NEBL: variants seen among roughly 807,000 people sequenced by gnomAD.
NEBL encodes the protein nebulette, also known as LIM and SH3 protein 2.
NEBL carries 122 observed loss-of-function variants against 140.2 expected under a neutral mutation model. That is an observed-to-expected ratio of 0.87 (90% CI 0.75 to 1.01). The LOEUF is 1.01. NEBL is among the 50% of genes least tolerant of loss of function. The pLI is 0.00. For missense variants in NEBL, 1,365 were observed against 1,231.3 expected, an observed-to-expected ratio of 1.11 and a Z score of -1.62; for synonymous variants, 436 against 398.9, an observed-to-expected ratio of 1.09 and a Z score of -1.11.
rs1397729050 is a variant in NEBL, at chr10:20,903,440, T to C, written c.357+58232A>G. The stretch of plus-strand genomic sequence containing the variant: ...TGGGAATGTAAATGAGTAAAACCTC[T>C]ACGGGAGACAATATGAAGCTTTTTT... On this transcript the variant is annotated intron_variant, in intron 4 of 6. Transcript: ENST00000417816. Among the ~76,000 whole-genome samples, 3 of 152,200 alleles carry C rather than the reference T, an allele frequency of 2.0e-5. No individual in the cohort carries two copies. The East Asian group carries it at 5.8e-4, about 29-fold the overall frequency.
In NEBL at chr10:20,996,480, T is replaced by C. The variant is rs146489574; in HGVS notation, c.249+23637A>G. 3.2e-3 allele frequency among the ~76,000 whole-genome samples: 484 copies of C among 152,334 alleles called. 1 individual carries two copies. The highest frequency in any genetic ancestry group is 0.011 in the African/African-American group (450 of 41,574). On this transcript the variant is annotated intron_variant, in intron 3 of 6. Transcript: ENST00000417816. ...GATTGTCCTAGGTCTACTGGATCGA[T>C]GCCTTATCACCAACCTCACAATAAC... is the stretch of plus-strand genomic sequence containing the variant.
chr10:21,271,586 T>C (rs545385298), intron 1 of NEBL, among the ~76,000 whole-genome samples: 31 of 151,866 alleles, frequency 2.0e-4, no homozygotes, highest in African/African-American at 5.3e-4. Context: ...AATGCAATAT[T>C]ACGATCTCGG....
intron 2 of NEBL, among the ~76,000 whole-genome samples, chr10:21,058,103 C>G (rs1287867321): frequency 1.2e-4 from 18 of 152,202 alleles, no homozygotes; most frequent in Admixed American, 1.2e-3. Context: ...ATACTACTAA[C>G]AGCTACTATC....
chr10:21,166,365 C>A (rs1840778697), intron 2 of NEBL, among the ~76,000 whole-genome samples: 1 of 151,390 alleles, frequency 6.6e-6, no homozygotes, highest in African/African-American at 2.4e-5. Flanking sequence ...GATGTTTTCT[C>A]TTCTCATTCT....
chr10:20,817,587 A>G lies in NEBL; in HGVS notation c.2148+13T>C. ...TTGATAGTGTAAGAAAAAAGTTACT[A>G]AGATGATCACACATTGCTGATGTTT... On this transcript the variant is annotated intron_variant, in intron 21 of 27. Transcript: ENST00000377122. The G allele has an allele frequency of 6.3e-7, 1 of 1,596,354 alleles. No homozygotes were observed. Among genetic ancestry groups the G allele is most frequent in the Non-Finnish European group, 8.6e-7 (1 of 1,163,950 alleles).
In NEBL at chr10:20,782,264, A is replaced by G. The variant is rs1835084306; in HGVS notation, c.*3483T>C. ...CTTGCTTGGTTTTCTTTCCAAGAGC[A>G]TACTAGACAAACAAGAGTAATCAAA... On this transcript the variant is annotated 3_prime_UTR_variant, in exon 28 of 28. Transcript: ENST00000377122. 1.3e-5 allele frequency: 2 copies of G among 152,606 alleles called. No individual in the cohort carries two copies. The highest frequency in any genetic ancestry group is 1.3e-4 in the Admixed American group (2 of 15,268). The allele number at this position is 152,606 out of a possible 1,614,324, so 9.5% of individuals were successfully genotyped here.
At chr10:20,833,635 C>T (rs944700752) in intron 14 of NEBL, among the ~76,000 whole-genome samples, 2 of 151,874 alleles carry the variant, frequency 1.3e-5, no homozygotes, top group Admixed American at 6.6e-5. Flanking sequence ...ATTTAATTGC[C>T]TCAAGGATTC....
intron 2 of NEBL, among the ~76,000 whole-genome samples, chr10:21,038,855 G>A (rs570226538): frequency 1.6e-4 from 24 of 152,106 alleles, no homozygotes; most frequent in East Asian, 3.9e-4. Flanking sequence ...CTATTTCTCC[G>A]CATCCTCACC....
intron 26 of NEBL, among the ~76,000 whole-genome samples, chr10:20,797,679 G>A (rs549104446): frequency 6.6e-6 from 1 of 152,272 alleles, no homozygotes; most frequent in Non-Finnish European, 1.5e-5. Flanking sequence ...AGGTAGGGAG[G>A]TCAACAGGTT....
chr10:21,130,242 A>G (rs1160386848), intron 2 of NEBL, among the ~76,000 whole-genome samples: 3 of 152,068 alleles, frequency 2.0e-5, no homozygotes, highest in Non-Finnish European at 2.9e-5. Flanking sequence ...CAGAGCATCA[A>G]ATTACACAAA....
intron 27 of NEBL, among the ~76,000 whole-genome samples, chr10:20,786,326 C>T (rs1454448160): frequency 6.6e-6 from 1 of 151,994 alleles, no homozygotes. Context: ...TAAGTTGATG[C>T]TAAAAATGTT....
At chr10:21,121,107 C>T (rs1265333540) in intron 2 of NEBL, among the ~76,000 whole-genome samples, 1 of 152,102 alleles carries the variant, frequency 6.6e-6, no homozygotes, top group Non-Finnish European at 1.5e-5. Context: ...GTATGTTTGG[C>T]CCTGAAACTT....
intron 3 of NEBL, among the ~76,000 whole-genome samples, chr10:21,191,108 A>G (rs1000031304): frequency 6.6e-6 from 1 of 152,180 alleles, no homozygotes; most frequent in Non-Finnish European, 1.5e-5. Flanking sequence ...CATATACAAT[A>G]TGTTCTGTGT....
At chr10:20,880,771 T>TC in intron 5 of NEBL, 23 bp downstream of exon 5, 1 of 1,553,268 alleles carries the variant, frequency 6.4e-7, no homozygotes, top group Non-Finnish European at 8.9e-7. Context: ...CGCTAGAAAA[T>TC]CATGAGAAAT....
chr10:20,888,461 C>T (rs1846728946), intron 3 of NEBL, among the ~76,000 whole-genome samples: 1 of 152,204 alleles, frequency 6.6e-6, no homozygotes, highest in Non-Finnish European at 1.5e-5. Flanking sequence ...AATGCAAGCA[C>T]ATTTCTAAAA....
chr10:20,888,056 T>C (rs1408522516), intron 4 of NEBL, 41 bp downstream of exon 4: 2 of 1,362,112 alleles, frequency 1.5e-6, no homozygotes, highest in Non-Finnish European at 2.1e-6. Context: ...CAGTTATATG[T>C]TTTATCTACA....
At chr10:20,807,924 A>AG (rs1837752996) in intron 26 of NEBL, among the ~76,000 whole-genome samples, 1 of 152,080 alleles carries the variant, frequency 6.6e-6, no homozygotes, top group East Asian at 1.9e-4. Flanking sequence ...GATACAGGAA[A>AG]AGAGTGGGTA....
At chr10:20,905,573 C>G (rs1218913365) in intron 4 of NEBL, among the ~76,000 whole-genome samples, 1 of 152,144 alleles carries the variant, frequency 6.6e-6, no homozygotes, top group East Asian at 1.9e-4. Context: ...TCAACACATA[C>G]GGATTACAAT....
At chr10:20,971,748 G>C (rs1393590038) in intron 3 of NEBL, among the ~76,000 whole-genome samples, 1 of 151,468 alleles carries the variant, frequency 6.6e-6, no homozygotes, top group African/African-American at 2.4e-5. Flanking sequence ...CTAGTAGCTG[G>C]GACTATAGGC....
Sources: gnomAD v4.1 joint callset for allele counts (sites outside exome capture counted in the v4.1 genomes callset) on GRCh38, gnomAD v4.1.1 for gene constraint, MANE v1.5 for transcripts, NCBI Gene and HGNC (gene_info 2026-07-23, HGNC 2026-07-21) for gene names.